SLC16A7: variants seen among roughly 807,000 people sequenced by gnomAD.
SLC16A7 encodes monocarboxylate transporter 2.
A neutral mutation model predicts 34.9 loss-of-function variants in SLC16A7; 33 were observed. The observed-to-expected ratio is 0.94, with a 90% confidence interval of 0.72 to 1.26. The LOEUF (loss-of-function observed/expected upper bound fraction) is 1.26, where lower values mean the gene tolerates loss of function less well. SLC16A7 is among the 50% of genes most tolerant of loss of function. SLC16A7 has a pLI of 0.00. For synonymous variants in SLC16A7, 201 were observed against 206.6 expected (o/e 0.97, Z 0.23); for missense variants, 573 against 578.1 (o/e 0.99, Z 0.09).
intron 3 of SLC16A7, among the ~76,000 whole-genome samples, chr12:59,756,571 C>A (rs1440473164): frequency 6.6e-6 from 1 of 151,922 alleles, no homozygotes; most frequent in Non-Finnish European, 1.5e-5. Flanking sequence ...CATCTCACAC[C>A]AGTTAGAATG....
intron 3 of SLC16A7, among the ~76,000 whole-genome samples, chr12:59,750,601 C>T (rs1281669611): frequency 6.6e-6 from 1 of 152,178 alleles, no homozygotes; most frequent in Non-Finnish European, 1.5e-5. Flanking sequence ...AACACTTTTA[C>T]ACTGTTGGTG....
chr12:59,621,466 T>C (rs1365820984), intron 1 of SLC16A7, among the ~76,000 whole-genome samples: 2 of 151,846 alleles, frequency 1.3e-5, no homozygotes, highest in Non-Finnish European at 2.9e-5. Flanking sequence ...TAGTAGTCAT[T>C]GTCATATGTT....
chr12:59,680,911 C>A (rs1870694774), intron 2 of SLC16A7, among the ~76,000 whole-genome samples: 1 of 152,158 alleles, frequency 6.6e-6, no homozygotes, highest in Non-Finnish European at 1.5e-5. Flanking sequence ...CTGGGAAGCA[C>A]ATGAGCTGAA....
intron 1 of SLC16A7, among the ~76,000 whole-genome samples, chr12:59,641,786 A>T (rs1322358227): frequency 2.6e-5 from 4 of 152,050 alleles, no homozygotes; most frequent in Non-Finnish European, 5.9e-5. Flanking sequence ...TTAAAGAACC[A>T]TTATTCATTG....
intron 3 of SLC16A7, among the ~76,000 whole-genome samples, chr12:59,756,123 C>T (rs11173131): frequency 1.3e-5 from 2 of 152,106 alleles, no homozygotes; most frequent in Non-Finnish European, 2.9e-5. Context: ...GGATTAAAGT[C>T]TTAAACGTTA....
chr12:59,779,800 A>G lies in SLC16A7; in HGVS notation c.*121A>G. 1.3e-6 allele frequency: 1 copy of G among 752,262 alleles called. No individual in the cohort carries two copies. The allele number at this position is 752,262 out of a possible 1,614,324, so 46.6% of individuals were successfully genotyped here. A position where few individuals can be genotyped will look rare whatever the true frequency, so the allele number is the denominator to read the frequency against. On this transcript the variant is annotated 3_prime_UTR_variant, in exon 6 of 6. Transcript: ENST00000547379. ...AATGAGGAGTCACAATTAAGGATGG[A>G]GGTGATATTTTCCTCAATGGCAAAT...
intron 3 of SLC16A7, among the ~76,000 whole-genome samples, chr12:59,749,982 C>A (rs551244073): frequency 2.6e-5 from 4 of 152,102 alleles, no homozygotes; most frequent in Non-Finnish European, 5.9e-5. Context: ...CCCTATTTAA[C>A]AAATGGTGTG....
intron 3 of SLC16A7, among the ~76,000 whole-genome samples, chr12:59,760,215 C>A (rs2137384176): frequency 6.6e-6 from 1 of 151,994 alleles, no homozygotes; most frequent in African/African-American, 2.4e-5. Flanking sequence ...GATTTTATTC[C>A]CTCTAAAAAT....
chr12:59,722,752 G>A lies in SLC16A7; in HGVS notation c.217+17734G>A, dbSNP rs77027310. Among the ~76,000 whole-genome samples, 106 of 151,768 alleles carry A rather than the reference G, an allele frequency of 7.0e-4. No individual in the cohort carries two copies. The East Asian group carries it at 0.018, about 26-fold the overall frequency. On this transcript the variant is annotated intron_variant, in intron 3 of 5. Coordinates refer to ENST00000547379, the MANE Select transcript of SLC16A7 (RefSeq NM_001270623.2). ...ACTCTGTCTAAAATTTCAACAACAC[G>A]TCACACGGTTCTATCCATCTTCATT...
chr12:59,703,413 T>A (rs112970215), intron 2 of SLC16A7, among the ~76,000 whole-genome samples: 2 of 152,012 alleles, frequency 1.3e-5, no homozygotes, highest in African/African-American at 2.4e-5. Flanking sequence ...GACTGCTTTT[T>A]AAAAAATAAA....
chr12:59,688,247 C>T (rs947999248), intron 2 of SLC16A7, among the ~76,000 whole-genome samples: 1 of 151,936 alleles, frequency 6.6e-6, no homozygotes, highest in Non-Finnish European at 1.5e-5. Context: ...AAAACCCAGG[C>T]AAGTGACCAC....
intron 3 of SLC16A7, among the ~76,000 whole-genome samples, chr12:59,756,488 C>CA (rs1270016568): frequency 6.6e-6 from 1 of 151,936 alleles, no homozygotes; most frequent in Admixed American, 6.6e-5. Flanking sequence ...TTTATGCAGC[C>CA]AAAAAACACA....
rs987087125 is a variant in SLC16A7 at position 59,788,446 on chromosome 12, C to T, written c.*8767C>T. 2.6e-5 allele frequency: 4 copies of T among 152,004 alleles called. No homozygotes were observed. The highest frequency in any genetic ancestry group is 6.6e-5 in the Admixed American group (1 of 15,242). 9.4% of individuals were successfully genotyped at this position (152,004 alleles called of 1,614,324 possible). On this transcript the variant is annotated 3_prime_UTR_variant, in exon 6 of 6. Transcript: ENST00000547379. ...ACAAATGATCATATTGCCACATGGT[C>T]TATCAACTATGGTTACTATGATAGT... is the stretch of plus-strand genomic sequence containing the variant.
chr12:59,710,448 A>G (rs1184325548), intron 3 of SLC16A7, among the ~76,000 whole-genome samples: 2 of 152,202 alleles, frequency 1.3e-5, no homozygotes, highest in Non-Finnish European at 1.5e-5. Flanking sequence ...GAAAGGGGAC[A>G]GAGGTCAACA....
intron 3 of SLC16A7, among the ~76,000 whole-genome samples, chr12:59,739,706 T>C (rs1878063239): frequency 6.6e-6 from 1 of 152,104 alleles, no homozygotes; most frequent in Non-Finnish European, 1.5e-5. Flanking sequence ...CCAGCACCTG[T>C]TGTTTCCTGA....
chr12:59,779,815 C>A lies in SLC16A7; in HGVS notation c.*136C>A. The A allele has an allele frequency of 1.6e-6, 1 of 638,318 alleles. No individual in the cohort carries two copies. The highest frequency in any genetic ancestry group is 2.6e-6 in the Non-Finnish European group (1 of 387,904). 39.5% of individuals were successfully genotyped at this position (638,318 alleles called of 1,614,324 possible). A position where few individuals can be genotyped will look rare whatever the true frequency, so the allele number is the denominator to read the frequency against. ...TTAAGGATGGAGGTGATATTTTCCT[C>A]AATGGCAAATTTTAAATTAGTTTTT... On this transcript the variant is annotated 3_prime_UTR_variant, in exon 6 of 6. Coordinates refer to ENST00000547379, the MANE Select transcript of SLC16A7 (RefSeq NM_001270623.2).
intron 1 of SLC16A7, among the ~76,000 whole-genome samples, chr12:59,647,112 T>C (rs1179286486): frequency 1.3e-5 from 2 of 152,144 alleles, no homozygotes; most frequent in African/African-American, 4.8e-5. Flanking sequence ...GAGTTAAGAC[T>C]TTGGAGAATC....
At chr12:59,754,424 T>A (rs1478048569) in intron 3 of SLC16A7, among the ~76,000 whole-genome samples, 1 of 152,012 alleles carries the variant, frequency 6.6e-6, no homozygotes, top group Non-Finnish European at 1.5e-5. Flanking sequence ...ATAAAGGGGA[T>A]ATCACCACCA....
chr12:59,634,368 G>T (rs1460147296), intron 1 of SLC16A7, among the ~76,000 whole-genome samples: 2 of 152,068 alleles, frequency 1.3e-5, no homozygotes, highest in Admixed American at 1.3e-4. Context: ...TGGTAAGAAA[G>T]ACTTTATTTA....
Sources: allele counts gnomAD v4.1 joint callset (sites outside exome capture counted in the v4.1 genomes callset), GRCh38; gene constraint gnomAD v4.1.1; transcripts MANE v1.5; gene names NCBI Gene and HGNC (gene_info 2026-07-23, HGNC 2026-07-21).